The following KCNQ5 variants were observed in gnomAD, a reference collection of about 807,000 sequenced individuals.
The protein encoded by KCNQ5 is potassium voltage-gated channel subfamily KQT member 5.
Under a neutral mutation model 98.2 loss-of-function variants are expected in KCNQ5, and 30 were observed. The observed-to-expected ratio is 0.31, with a 90% CI of 0.23 to 0.41. The LOEUF (loss-of-function observed/expected upper bound fraction) is 0.41. KCNQ5 is among the 10% of genes least tolerant of loss of function. The probability of loss-of-function intolerance (pLI) is 1.00; values close to 1 mark genes in which losing one functional copy is unlikely to be tolerated. For missense variants in KCNQ5, 835 were observed against 1,182.5 expected (o/e 0.71, Z 4.31); for synonymous variants, 458 against 449.4 (o/e 1.02, Z -0.24).
chr6:73,065,583 A>C (rs1297514833), intron 3 of KCNQ5, among the ~76,000 whole-genome samples: 1 of 152,136 alleles, frequency 6.6e-6, no homozygotes, highest in Admixed American at 6.6e-5. Context: ...CTCTGCCAAA[A>C]ACCCTTTCCC....
chr6:73,149,779 A>C (rs891326915), intron 10 of KCNQ5, among the ~76,000 whole-genome samples: 3 of 143,774 alleles, frequency 2.1e-5, no homozygotes, highest in African/African-American at 7.9e-5. Context: ...CATGGGCGAC[A>C]GTGGGAGACT....
rs529614100 is a variant in KCNQ5 at position 72,644,115 on chromosome 6, C to T, written c.398+21528C>T. Among the ~76,000 whole-genome samples, 7 of 152,254 alleles carry T rather than the reference C, an allele frequency of 4.6e-5. No individual in the cohort carries two copies. In the South Asian group the frequency reaches 8.3e-4, roughly 18 times the overall value. On this transcript the variant is annotated intron_variant, in intron 1 of 13. Coordinates refer to ENST00000370398, the MANE Select transcript of KCNQ5 (RefSeq NM_019842.4). ...ACACACATAGTAGGTTGTTCTCATTCTGTTCCATAAGGTCACTGCAAATAC... is the reference window on the plus strand; with the variant it reads ...ACACACATAGTAGGTTGTTCTCATTTTGTTCCATAAGGTCACTGCAAATAC...
chr6:72,739,390 A>G (rs1771013249), intron 1 of KCNQ5, among the ~76,000 whole-genome samples: 1 of 152,140 alleles, frequency 6.6e-6, no homozygotes, highest in Non-Finnish European at 1.5e-5. Context: ...GGGGTATGCT[A>G]TGGGGGCCAA....
At chr6:72,780,854 C>T (rs1051076848) in intron 1 of KCNQ5, among the ~76,000 whole-genome samples, 6 of 152,170 alleles carry the variant, frequency 3.9e-5, no homozygotes, top group African/African-American at 1.4e-4. Flanking sequence ...CTGGATCAGG[C>T]ACTATGTAAG....
intron 10 of KCNQ5, among the ~76,000 whole-genome samples, chr6:73,150,830 A>ATGTGTGTGTG (rs199982654): frequency 1.2e-4 from 9 of 72,662 alleles, no homozygotes; most frequent in African/African-American, 2.4e-4. Context: ...GTATATATAT[A>ATGTGTGTGTG]TATGTGTGTG....
chr6:72,878,618 A>G (rs1778517263), intron 1 of KCNQ5, among the ~76,000 whole-genome samples: 1 of 152,172 alleles, frequency 6.6e-6, no homozygotes, highest in Non-Finnish European at 1.5e-5. Flanking sequence ...TGCAGGTCAA[A>G]TTGTTACTCA....
At chr6:72,967,621 TAG>T (rs1246756787) in intron 1 of KCNQ5, 1 of 154,138 alleles carries the variant, frequency 6.5e-6, no homozygotes, top group Admixed American at 6.5e-5. Context: ...CTCAAGAATG[TAG>T]AGTTTTCCAT....
intron 1 of KCNQ5, among the ~76,000 whole-genome samples, chr6:72,972,006 A>G (rs182202318): frequency 1.3e-5 from 2 of 152,230 alleles, no homozygotes; most frequent in Admixed American, 1.3e-4. Flanking sequence ...AGAGGTGCTA[A>G]ATATGATCTA....
rs1483934574 is a variant in KCNQ5 at position 73,082,535 on chromosome 6, T to C, written c.918+4648T>C. On this transcript the variant is annotated intron_variant, in intron 5 of 13. Coordinates refer to ENST00000370398, the MANE Select transcript of KCNQ5 (RefSeq NM_019842.4). ...GGAATGAGGAAAAAAAATGGAATTA[T>C]GTCCAATATCGTGATGTAAAGATCC... Among the ~76,000 whole-genome samples the C allele has an allele frequency of 2.0e-5, 3 of 152,190 alleles. No individual in the cohort carries two copies. In the East Asian group the frequency reaches 5.8e-4, roughly 29 times the overall value.
intron 1 of KCNQ5, among the ~76,000 whole-genome samples, chr6:72,627,044 T>A (rs2098918295): frequency 6.6e-6 from 1 of 152,186 alleles, no homozygotes; most frequent in Admixed American, 6.5e-5. Flanking sequence ...GGTGGAGATT[T>A]TAAGTGGTGG....
intron 10 of KCNQ5, 152 bp from the exon 11 acceptor site, chr6:73,169,594 T>G (rs553335768): frequency 1.1e-5 from 7 of 616,216 alleles, no homozygotes; most frequent in Non-Finnish European, 2.0e-5. Flanking sequence ...GAAGAAAGAA[T>G]AATATTGGCA....
At chr6:73,089,346 G>A (rs1282007461) in intron 5 of KCNQ5, among the ~76,000 whole-genome samples, 1 of 152,044 alleles carries the variant, frequency 6.6e-6, no homozygotes, top group Non-Finnish European at 1.5e-5. Flanking sequence ...TGTTGTTGTT[G>A]ATTTTCGTGG....
rs111638225 is a variant in KCNQ5, at chr6:72,825,625, G to A, written c.399-178283G>A. 6.4e-3 allele frequency among the ~76,000 whole-genome samples: 973 copies of A among 152,244 alleles called. 6 individuals are homozygous for A. Among genetic ancestry groups the A allele is most frequent in the Non-Finnish European group, 9.2e-3 (628 of 68,014 alleles). ...AGAATAACAGTTTGGCTTTAGGTGG[G>A]ACCTATACTATGCAACATGTGGAAC... On this transcript the variant is annotated intron_variant, in intron 1 of 13. Coordinates refer to ENST00000370398, the MANE Select transcript of KCNQ5 (RefSeq NM_019842.4).
chr6:73,010,760 A>G (rs1181721790), intron 2 of KCNQ5, among the ~76,000 whole-genome samples: 1 of 152,016 alleles, frequency 6.6e-6, no homozygotes, highest in African/African-American at 2.4e-5. Flanking sequence ...AAAGGAAACT[A>G]TGAAAACAAT....
chr6:73,068,218 TC>T (rs1205780664), intron 3 of KCNQ5, among the ~76,000 whole-genome samples: 1 of 151,986 alleles, frequency 6.6e-6, no homozygotes, highest in Non-Finnish European at 1.5e-5. Flanking sequence ...GACACTTGAA[TC>T]CTAGAGGTGG....
At position 73,024,629 on chromosome 6, in the gene KCNQ5, C is replaced by T. The variant is rs1770790924; in HGVS notation, c.490-17307C>T. Among the ~76,000 whole-genome samples, 14 of 152,320 alleles carry T rather than the reference C, an allele frequency of 9.2e-5. No homozygotes were observed. In the South Asian group the frequency reaches 2.7e-3, roughly 29 times the overall value. ...TTTGACTCTAGCCAGAGCCAGAATTCAGTTTTATGTTTCTTTCAACTGCCA... is the reference window on the plus strand; with the variant it reads ...TTTGACTCTAGCCAGAGCCAGAATTTAGTTTTATGTTTCTTTCAACTGCCA... On this transcript the variant is annotated intron_variant, in intron 2 of 13. Coordinates refer to ENST00000370398, the MANE Select transcript of KCNQ5 (RefSeq NM_019842.4).
chr6:73,152,889 G>T (rs1777209887), intron 10 of KCNQ5, among the ~76,000 whole-genome samples: 1 of 152,166 alleles, frequency 6.6e-6, no homozygotes, highest in Non-Finnish European at 1.5e-5. Context: ...ATAACGAGCA[G>T]GTTGTGGTGG....
intron 1 of KCNQ5, among the ~76,000 whole-genome samples, chr6:72,932,187 A>G (rs1181489164): frequency 2.6e-5 from 4 of 152,092 alleles, no homozygotes. Flanking sequence ...TAATAATAGA[A>G]ACATTGAATA....
Position 73,000,071 on chromosome 6 carries a change from C to T in KCNQ5, c.399-3837C>T, listed in dbSNP as rs143415014. On this transcript the variant is annotated intron_variant, in intron 1 of 13. Transcript: ENST00000370398. ...GCCTGAGCCCAGTGACTCTTGCCACCGCTTCTACTTGTATTCAACCACTAG... is the reference window on the plus strand; with the variant it reads ...GCCTGAGCCCAGTGACTCTTGCCACTGCTTCTACTTGTATTCAACCACTAG... Among the ~76,000 whole-genome samples, 119 of 152,180 alleles carry T rather than the reference C, an allele frequency of 7.8e-4. 1 individual carries two copies. The highest frequency in any genetic ancestry group is 2.7e-3 in the African/African-American group (112 of 41,524).
Sources: gnomAD v4.1 joint callset for allele counts (sites outside exome capture counted in the v4.1 genomes callset) on GRCh38, gnomAD v4.1.1 for gene constraint, MANE v1.5 for transcripts, NCBI Gene and HGNC (gene_info 2026-07-23, HGNC 2026-07-21) for gene names.